Variants in FSHR observed in about 807,000 individuals in gnomAD.
FSHR encodes follicle stimulating hormone receptor.
FSHR carries 46 observed loss-of-function variants against 52.1 expected under a neutral mutation model. The observed-to-expected ratio is 0.88, with a 90% CI of 0.70 to 1.13. FSHR has a LOEUF of 1.13. FSHR is among the 50% of genes most tolerant of loss of function. The pLI is 0.00. For synonymous variants in FSHR, 399 were observed against 309.6 expected, an observed-to-expected ratio of 1.29 and a Z score of -3.03; for missense variants, 964 against 834.6, an observed-to-expected ratio of 1.16 and a Z score of -1.91.
intron 1 of FSHR, among the ~76,000 whole-genome samples, chr2:49,127,296 C>T (rs10184065): frequency 0.25 from 38,347 of 151,064 alleles, 5,243 homozygotes; most frequent in East Asian, 0.47. Flanking sequence ...CCACTGCACT[C>T]CACCCTGGAC....
Position 48,962,914 on chromosome 2 carries a change from T to G in FSHR, c.1907A>C (p.Asp636Ala), listed in dbSNP as rs756396983. 6.2e-7 allele frequency: 1 copy of G among 1,614,036 alleles called. No homozygotes were observed. The change falls in exon 10 of 10, where the codon GAT becomes GCT. Residue 636 changes from aspartate (D) to alanine (A), a missense_variant. Coordinates refer to ENST00000406846, the MANE Select transcript of FSHR (RefSeq NM_000145.4). Reference protein sequence around the residue: ...YAIFTKNFRRDFFILLSKCGC... With the variant: ...YAIFTKNFRRAFFILLSKCGC... The stretch of plus-strand genomic sequence containing the variant: ...ACACTTGCTCAGCAGAATGAAGAAA[T>G]CTCTGCGAAAGTTTTTGGTAAAGAT...
At chr2:49,020,562 G>A (rs2104221198) in intron 2 of FSHR, among the ~76,000 whole-genome samples, 1 of 150,672 alleles carries the variant, frequency 6.6e-6, no homozygotes, top group South Asian at 2.1e-4. Context: ...CCCTTGCTGT[G>A]GTATTTGGTC....
intron 2 of FSHR, among the ~76,000 whole-genome samples, chr2:49,065,131 C>T (rs935075801): frequency 6.6e-6 from 1 of 152,042 alleles, no homozygotes; most frequent in Non-Finnish European, 1.5e-5. Flanking sequence ...GAAAATTATT[C>T]CACCTGGTGA....
rs1359676207 is a variant in FSHR, at chr2:49,017,616, G to C, written c.300-53C>G. 12 of 1,328,456 alleles carry C rather than the reference G, an allele frequency of 9.0e-6. No individual in the cohort carries two copies. In the African/African-American group the frequency reaches 1.6e-4, roughly 18 times the overall value. 82.3% of individuals were successfully genotyped at this position (1,328,456 alleles called of 1,614,324 possible). On this transcript the variant is annotated intron_variant, in intron 3 of 9. Coordinates refer to ENST00000406846, the MANE Select transcript of FSHR (RefSeq NM_000145.4). ...GATCTTGATGGTAAGGAATGCTGTAGTATTTTTCACATTTTACAGAGTACA... is the reference window on the plus strand; with the variant it reads ...GATCTTGATGGTAAGGAATGCTGTACTATTTTTCACATTTTACAGAGTACA...
chr2:49,010,192 A>G (rs369322507), intron 4 of FSHR, among the ~76,000 whole-genome samples: 11 of 109,648 alleles, frequency 1.0e-4, no homozygotes, highest in East Asian at 8.7e-4. Flanking sequence ...ATTATTTTGA[A>G]ATACGTCCCA....
At chr2:48,997,163 C>G in intron 4 of FSHR, 1 of 946,872 alleles carries the variant, frequency 1.1e-6, no homozygotes, top group Non-Finnish European at 1.3e-6. Context: ...TGGATAACAC[C>G]AAACAGTTCA....
intron 3 of FSHR, among the ~76,000 whole-genome samples, chr2:49,018,314 A>G (rs562029256): frequency 6.6e-6 from 1 of 152,288 alleles, no homozygotes; most frequent in Admixed American, 6.5e-5. Flanking sequence ...TTGGATTCCA[A>G]CACAGACAGC....
intron 8 of FSHR, among the ~76,000 whole-genome samples, chr2:48,974,187 A>G (rs1674872070): frequency 1.3e-5 from 2 of 152,204 alleles, no homozygotes; most frequent in South Asian, 2.1e-4. Context: ...GGCTGAGAAT[A>G]TAAAAGTTAC....
intron 1 of FSHR, among the ~76,000 whole-genome samples, chr2:49,115,143 A>G (rs1161914087): frequency 2.0e-5 from 3 of 149,750 alleles, no homozygotes; most frequent in African/African-American, 7.4e-5. Flanking sequence ...GGGGAGAAAG[A>G]AGGACTTGGC....
At chr2:49,049,229 C>T (rs1668768709) in intron 2 of FSHR, among the ~76,000 whole-genome samples, 1 of 151,918 alleles carries the variant, frequency 6.6e-6, no homozygotes, top group Non-Finnish European at 1.5e-5. Context: ...TATCTCTGAG[C>T]ACTGACAAAT....
chr2:48,981,776 G>A (rs144636569), intron 8 of FSHR, among the ~76,000 whole-genome samples: 3 of 152,296 alleles, frequency 2.0e-5, no homozygotes, highest in East Asian at 1.9e-4. Flanking sequence ...GAGAATATTA[G>A]CTATTTGGTG....
At chr2:49,129,938 G>A (rs140399665) in intron 1 of FSHR, among the ~76,000 whole-genome samples, 1,584 of 152,160 alleles carry the variant, frequency 0.01, 20 homozygotes, top group Middle Eastern at 0.027. Context: ...TTTTCAGAGG[G>A]AGAAAATTTT....
Position 49,068,300 on chromosome 2 carries a change from G to C in FSHR, c.153-10C>G, listed in dbSNP as rs758679270. On this transcript the variant is annotated splice_polypyrimidine_tract_variant and intron_variant, in intron 1 of 9. Coordinates refer to ENST00000406846, the MANE Select transcript of FSHR (RefSeq NM_000145.4). ...GGTGAGGACAAACCTCCTGCAAAGA[G>C]AGTAGAAATAAAATATCACAACCTA... is the stretch of plus-strand genomic sequence containing the variant. The C allele has an allele frequency of 6.2e-7, 1 of 1,608,082 alleles. No homozygotes were observed.
rs1365304074 is a variant in FSHR, at chr2:49,042,726, G to A, written c.225-22566C>T. 2.6e-5 allele frequency among the ~76,000 whole-genome samples: 4 copies of A among 152,190 alleles called. No individual in the cohort carries two copies. In the East Asian group the frequency reaches 7.7e-4, roughly 29 times the overall value. On this transcript the variant is annotated intron_variant, in intron 2 of 9. Transcript: ENST00000406846. ...GCTCTAAAGAGCCAAATGTATCTAT[G>A]AGGTTTGTCATTCCTAGACTCTAGG... is the stretch of plus-strand genomic sequence containing the variant.
intron 8 of FSHR, among the ~76,000 whole-genome samples, chr2:48,972,873 T>C (rs775770980): frequency 6.6e-6 from 1 of 152,202 alleles, no homozygotes; most frequent in Admixed American, 6.5e-5. Flanking sequence ...GTATAAAAAT[T>C]GGATTAATTG....
In FSHR at chr2:49,143,275, A is replaced by C. The variant is rs1672753871; in HGVS notation, c.152+10991T>G. Among the ~76,000 whole-genome samples, 4 of 152,178 alleles carry C rather than the reference A, an allele frequency of 2.6e-5. No homozygotes were observed. The South Asian group carries it at 8.3e-4, about 32-fold the overall frequency. On this transcript the variant is annotated intron_variant, in intron 1 of 9. Coordinates refer to ENST00000406846, the MANE Select transcript of FSHR (RefSeq NM_000145.4). ...CACAGACACTGAAAGTCAAAAAAGG[A>C]ACATGTGTCAAGTACTCGAATGGTC...
chr2:49,124,054 G>A (rs921663953), intron 1 of FSHR, among the ~76,000 whole-genome samples: 10 of 151,178 alleles, frequency 6.6e-5, no homozygotes, highest in African/African-American at 2.4e-4. Flanking sequence ...GCATGATCTC[G>A]GCTCACTGCA....
chr2:49,149,392 C>T (rs1184761100), intron 1 of FSHR, among the ~76,000 whole-genome samples: 2 of 152,042 alleles, frequency 1.3e-5, no homozygotes, highest in African/African-American at 4.8e-5. Flanking sequence ...GAGTCCTTTT[C>T]TAGATGTGAT....
intron 6 of FSHR, among the ~76,000 whole-genome samples, chr2:48,987,574 A>T (rs900961861): frequency 2.6e-5 from 4 of 152,056 alleles, no homozygotes; most frequent in African/African-American, 9.7e-5. Context: ...TTCCCTCTGC[A>T]CGCCCTTTGC....
Sources: allele counts gnomAD v4.1 joint callset (sites outside exome capture counted in the v4.1 genomes callset), GRCh38; gene constraint gnomAD v4.1.1; transcripts MANE v1.5; gene names NCBI Gene and HGNC (gene_info 2026-07-23, HGNC 2026-07-21).